Variants in CD74 observed in about 807,000 individuals in gnomAD.
The protein encoded by CD74 is CD74 molecule, also known as HLA class II histocompatibility antigen gamma chain.
A neutral mutation model predicts 37.1 loss-of-function variants in CD74; 20 were observed. The observed-to-expected ratio is 0.54, with a 90% CI of 0.38 to 0.78. The LOEUF (loss-of-function observed/expected upper bound fraction) is 0.78, where lower values mean the gene tolerates loss of function less well. Ranked by LOEUF, CD74 falls within the 30% of genes least tolerant of loss-of-function variation. The probability of loss-of-function intolerance (pLI) is 0.00; values close to 1 mark genes in which losing one functional copy is unlikely to be tolerated. For synonymous variants in CD74, 150 were observed against 152.0 expected (o/e 0.99, Z 0.10); for missense variants, 338 against 389.5 (o/e 0.87, Z 1.11).
rs1450793263 is a variant in CD74, at chr5:150,403,909, T to TG, written c.626-598dup. On this transcript the variant is annotated intron_variant, in intron 6 of 8. Coordinates refer to ENST00000009530, the MANE Select transcript of CD74 (RefSeq NM_001025159.3). This position sits in a 1 kb window ranked among gnomAD's most constrained non-coding sequence, Gnocchi z 4.5. ...CACCATTACAGTTTGGAATTGCACT[T>TG]GCGATTCTGATTCTAGAGAAAAGCA... Among the ~76,000 whole-genome samples, 1 of 152,216 alleles carries TG rather than the reference T, an allele frequency of 6.6e-6. No homozygotes were observed. Among genetic ancestry groups the TG allele is most frequent in the Non-Finnish European group, 1.5e-5 (1 of 68,036 alleles).
chr5:150,401,700 G>A lies in CD74; in HGVS notation c.*540C>T, dbSNP rs1769616361. 2 of 557,704 alleles carry A rather than the reference G, an allele frequency of 3.6e-6. No individual in the cohort carries two copies. Among genetic ancestry groups the A allele is most frequent in the African/African-American group, 1.9e-5 (1 of 53,322 alleles). The allele number at this position is 557,704 out of a possible 1,614,324, so 34.5% of individuals were successfully genotyped here. A position where few individuals can be genotyped will look rare whatever the true frequency, so the allele number is the denominator to read the frequency against. On this transcript the variant is annotated 3_prime_UTR_variant, in exon 9 of 9. Coordinates refer to ENST00000009530, the MANE Select transcript of CD74 (RefSeq NM_001025159.3). Reference sequence around the variant, plus strand: ...GCCCTGAAAGCTGATAACAAGCTTGGCTGAGCAGAGGGAACTAGGGGTCGG... The same window carrying A: ...GCCCTGAAAGCTGATAACAAGCTTGACTGAGCAGAGGGAACTAGGGGTCGG...
intron 1 of CD74, among the ~76,000 whole-genome samples, chr5:150,411,860 A>G (rs2151186458): frequency 6.6e-6 from 1 of 152,350 alleles, no homozygotes; most frequent in East Asian, 1.9e-4. Flanking sequence ...CGTGGTAATT[A>G]GGAGGGAACT....
rs1232012215 is a variant in CD74, at chr5:150,412,873, A to AC, written c.-125dup. 6.5e-7 allele frequency: 1 copy of AC among 1,532,038 alleles called. No homozygotes were observed. Among genetic ancestry groups the AC allele is most frequent in the Admixed American group, 1.9e-5 (1 of 51,828 alleles). 94.9% of individuals were successfully genotyped at this position (1,532,038 alleles called of 1,614,324 possible). A position where few individuals can be genotyped will look rare whatever the true frequency, so the allele number is the denominator to read the frequency against. Reference sequence around the variant, plus strand: ...AGTGAAAGCTACAAAGGCTGGAAATACCCCACTTTGGTGAAGCTGCCTTTT... The same window carrying AC: ...AGTGAAAGCTACAAAGGCTGGAAATACCCCCACTTTGGTGAAGCTGCCTTTT... On this transcript the variant is annotated 5_prime_UTR_variant, in exon 1 of 9. Transcript: ENST00000009530.
rs1561549429 is a variant in CD74, at chr5:150,402,167, TG to T, written c.*72del. On this transcript the variant is annotated 3_prime_UTR_variant, in exon 9 of 9. Transcript: ENST00000009530. The surrounding 1 kb of genome is among the most constrained non-coding windows in gnomAD (Gnocchi z 4.2). Reference sequence around the variant, plus strand: ...ACAGGGTGGGAGATGGGGGAGGGGCTGGGGGCTGAAGGGAGCAAGAAAGCTG... The same window carrying T: ...ACAGGGTGGGAGATGGGGGAGGGGCTGGGGCTGAAGGGAGCAAGAAAGCTG... 2 of 1,563,578 alleles carry T rather than the reference TG, an allele frequency of 1.3e-6. No individual in the cohort carries two copies. Among genetic ancestry groups the T allele is most frequent in the Non-Finnish European group, 8.7e-7 (1 of 1,153,066 alleles).
chr5:150,406,923 CG>C lies in CD74; in HGVS notation c.335del (p.Pro112ArgfsTer3). ...CCATGGGCAGCGCCTGCATCAGCAG[CG>C]GGGTGGCCATGCGCATCTTGCTCAC... is the stretch of plus-strand genomic sequence containing the variant. ...KPVSKMRMAT[P>X]LLMQALPMGA... On this transcript the variant is annotated frameshift_variant, in exon 3 of 9. Coordinates refer to ENST00000009530, the MANE Select transcript of CD74 (RefSeq NM_001025159.3). LOFTEE classifies it high-confidence loss of function. 1 of 1,543,872 alleles carries C rather than the reference CG, an allele frequency of 6.5e-7. No homozygotes were observed. The highest frequency in any genetic ancestry group is 8.7e-7 in the Non-Finnish European group (1 of 1,151,304).
At position 150,412,754 on chromosome 5, in the gene CD74, G is replaced by T; in HGVS notation, c.-5C>A. On this transcript the variant is annotated 5_prime_UTR_variant, in exon 1 of 9. Coordinates refer to ENST00000009530, the MANE Select transcript of CD74 (RefSeq NM_001025159.3). The stretch of plus-strand genomic sequence containing the variant: ...CCTGCTTCTCCTCCTGTGCATCTGG[G>T]ACCCTGACCCCCCGGCTCGCCTCTT... The T allele has an allele frequency of 6.2e-7, 1 of 1,613,834 alleles. No homozygotes were observed. Among genetic ancestry groups the T allele is most frequent in the South Asian group, 1.1e-5 (1 of 91,052 alleles).
chr5:150,408,778 G>A (rs1002520352), intron 1 of CD74, among the ~76,000 whole-genome samples: 6 of 152,226 alleles, frequency 3.9e-5, no homozygotes, highest in African/African-American at 1.4e-4. Flanking sequence ...TAGTCCAGGT[G>A]TTGCCAATGT....
At chr5:150,411,152 A>G (rs1770319719) in intron 1 of CD74, among the ~76,000 whole-genome samples, 1 of 152,244 alleles carries the variant, frequency 6.6e-6, no homozygotes, top group Non-Finnish European at 1.5e-5. Flanking sequence ...GGTGACTGTA[A>G]GAATTAAAAT....
At position 150,407,903 on chromosome 5, in the gene CD74, C is replaced by T. The variant is rs760276591; in HGVS notation, c.126-579G>A. 6.6e-6 allele frequency among the ~76,000 whole-genome samples: 1 copy of T among 152,056 alleles called. No individual in the cohort carries two copies. The highest frequency in any genetic ancestry group is 2.4e-5 in the African/African-American group (1 of 41,388). ...CCGAGTAGCTGGGACTACAGGCACC[C>T]GCCACCACGCCTGGCTAATTATTTT... On this transcript the variant is annotated intron_variant, in intron 1 of 8. Transcript: ENST00000009530. This position sits in a 1 kb window ranked among gnomAD's most constrained non-coding sequence, Gnocchi z 4.4.
Position 150,412,761 on chromosome 5 carries a change from AC to A in CD74, c.-13del, listed in dbSNP as rs569954321. The A allele has an allele frequency of 4.7e-5, 75 of 1,611,382 alleles. 2 individuals are homozygous for A. In the South Asian group the frequency reaches 7.8e-4, roughly 17 times the overall value. ...CTCCTCCTGTGCATCTGGGACCCTG[AC>A]CCCCCGGCTCGCCTCTTAAAGTCGG... is the stretch of plus-strand genomic sequence containing the variant. On this transcript the variant is annotated 5_prime_UTR_variant, in exon 1 of 9. Coordinates refer to ENST00000009530, the MANE Select transcript of CD74 (RefSeq NM_001025159.3).
chr5:150,407,912 G>A lies in CD74; in HGVS notation c.126-588C>T, dbSNP rs950789000. Among the ~76,000 whole-genome samples, 4 of 151,966 alleles carry A rather than the reference G, an allele frequency of 2.6e-5. No individual in the cohort carries two copies. Among genetic ancestry groups the A allele is most frequent in the East Asian group, 1.9e-4 (1 of 5,184 alleles). On this transcript the variant is annotated intron_variant, in intron 1 of 8. Coordinates refer to ENST00000009530, the MANE Select transcript of CD74 (RefSeq NM_001025159.3). The surrounding 1 kb of genome is among the most constrained non-coding windows in gnomAD (Gnocchi z 4.4). The stretch of plus-strand genomic sequence containing the variant: ...TGGGACTACAGGCACCCGCCACCAC[G>A]CCTGGCTAATTATTTTGTATTTTTG...
intron 1 of CD74, among the ~76,000 whole-genome samples, chr5:150,412,289 T>C (rs1770388240): frequency 6.6e-6 from 1 of 152,220 alleles, no homozygotes; most frequent in African/African-American, 2.4e-5. Context: ...TAACCTAGCA[T>C]TCACAGCCCA....
chr5:150,406,760 C>G (rs1769985946), intron 3 of CD74, 121 bp downstream of exon 3: 1 of 649,834 alleles, frequency 1.5e-6, no homozygotes, highest in Non-Finnish European at 2.6e-6. Flanking sequence ...AGGCACTGTC[C>G]CTCCCGCAGC....
At position 150,402,471 on chromosome 5, in the gene CD74, C is replaced by T. The variant is rs772765851; in HGVS notation, c.880+92G>A. The T allele has an allele frequency of 8.9e-7, 1 of 1,125,220 alleles. No individual in the cohort carries two copies. The highest frequency in any genetic ancestry group is 1.7e-5 in the Admixed American group (1 of 59,080). 69.7% of individuals were successfully genotyped at this position (1,125,220 alleles called of 1,614,324 possible). ...CATCCCAGGAATGTTGGAGAGTGGC[C>T]CAGCGTCACACTCCTTCACCTGCCC... On this transcript the variant is annotated intron_variant, in intron 8 of 8. Coordinates refer to ENST00000009530, the MANE Select transcript of CD74 (RefSeq NM_001025159.3). This position sits in a 1 kb window ranked among gnomAD's most constrained non-coding sequence, Gnocchi z 4.2.
In CD74 at chr5:150,407,248, C is replaced by T. The variant is rs373469571; in HGVS notation, c.202G>A (p.Ala68Thr). Residue 68 changes from alanine to threonine, a missense_variant, in exon 2 of 9, where the codon GCC (alanine) becomes ACC (threonine). By Grantham distance (58) the Ala-to-Thr change is moderately conservative. Coordinates refer to ENST00000009530, the MANE Select transcript of CD74 (RefSeq NM_001025159.3). This position sits in a 1 kb window ranked among gnomAD's most constrained non-coding sequence, Gnocchi z 4.4. ...TLLLAGQATTAYFLYQQQGRL... is the reference protein window; with the variant it reads ...TLLLAGQATTTYFLYQQQGRL... ...CCCTGCTGCTGGTACAGGAAGTAGGCGGTGGTGGCCTGGCCAGCGAGGAGC... is the reference window on the plus strand; with the variant it reads ...CCCTGCTGCTGGTACAGGAAGTAGGTGGTGGTGGCCTGGCCAGCGAGGAGC... 59 of 1,613,430 alleles carry T rather than the reference C, an allele frequency of 3.7e-5. No homozygotes were observed. Among genetic ancestry groups the T allele is most frequent in the Middle Eastern group, 1.6e-4 (1 of 6,082 alleles).
Position 150,402,505 on chromosome 5 carries a change from G to A in CD74, c.880+58C>T, listed in dbSNP as rs764232600. 1.4e-6 allele frequency: 2 copies of A among 1,421,040 alleles called. No individual in the cohort carries two copies. The highest frequency in any genetic ancestry group is 1.7e-5 in the Admixed American group (1 of 59,764). 88.0% of individuals were successfully genotyped at this position (1,421,040 alleles called of 1,614,324 possible). Reference sequence around the variant, plus strand: ...CACTCCTTCACCTGCCCACAAAGGAGCTGGCCCTGCTGGGGATGAGCTGCT... The same window carrying A: ...CACTCCTTCACCTGCCCACAAAGGAACTGGCCCTGCTGGGGATGAGCTGCT... On this transcript the variant is annotated intron_variant, in intron 8 of 8. Transcript: ENST00000009530. The surrounding 1 kb of genome is among the most constrained non-coding windows in gnomAD (Gnocchi z 4.2).
rs377497052 is a variant in CD74 at position 150,403,247 on chromosome 5, T to C, written c.691A>G (p.Lys231Glu). 6.8e-6 allele frequency: 11 copies of C among 1,613,892 alleles called. No individual in the cohort carries two copies. In the African/African-American group the frequency reaches 1.5e-4, roughly 22 times the overall value. The change falls in exon 7 of 9, where the codon AAG (lysine) becomes GAG (glutamate). Residue 231 changes from lysine to glutamate, a missense_variant. Transcript: ENST00000009530. This position sits in a 1 kb window ranked among gnomAD's most constrained non-coding sequence, Gnocchi z 4.5. ...AGATAGTTGCCGTTCTCGTCGCACT[T>C]GGGCCTGAATGAACCCGGGTGGACA... Reference protein sequence around the residue: ...PAVHPGSFRPKCDENGNYLPL... With the variant: ...PAVHPGSFRPECDENGNYLPL...
At chr5:150,406,717 T>C (rs888208841) in intron 3 of CD74, 164 bp downstream of exon 3, 5 of 591,736 alleles carry the variant, frequency 8.4e-6, no homozygotes, top group African/African-American at 7.5e-5. Flanking sequence ...ACCTGTGCCC[T>C]CCACACCTGG....
rs929198967 is a variant in CD74, at chr5:150,407,694, C to T, written c.126-370G>A. Among the ~76,000 whole-genome samples, 4 of 152,070 alleles carry T rather than the reference C, an allele frequency of 2.6e-5. No homozygotes were observed. The highest frequency in any genetic ancestry group is 4.4e-5 in the Non-Finnish European group (3 of 67,994). ...GTCTTCCCAGGCTCCCTTTGCCGTGCGGATCTCCTGATGATCAGGGCTGCC... is the reference window on the plus strand; with the variant it reads ...GTCTTCCCAGGCTCCCTTTGCCGTGTGGATCTCCTGATGATCAGGGCTGCC... On this transcript the variant is annotated intron_variant, in intron 1 of 8. Transcript: ENST00000009530. This position sits in a 1 kb window ranked among gnomAD's most constrained non-coding sequence, Gnocchi z 4.4.
Sources: allele counts gnomAD v4.1 joint callset (sites outside exome capture counted in the v4.1 genomes callset), GRCh38; gene constraint gnomAD v4.1.1; non-coding constraint Gnocchi (gnomAD v3.1); transcripts MANE v1.5; gene names NCBI Gene and HGNC (gene_info 2026-07-23, HGNC 2026-07-21).